Variants in MAP3K5 observed in about 807,000 individuals in gnomAD.
MAP3K5 encodes ASK-1.
MAP3K5 carries 56 observed loss-of-function variants against 158.7 expected under a neutral mutation model. The observed-to-expected ratio is 0.35, with a 90% CI of 0.28 to 0.44. The LOEUF (loss-of-function observed/expected upper bound fraction) is 0.44. Ranked by LOEUF, MAP3K5 falls within the 20% of genes least tolerant of loss-of-function variation. The probability of loss-of-function intolerance (pLI) is 1.00; values close to 1 mark genes in which losing one functional copy is unlikely to be tolerated. For synonymous variants in MAP3K5, 579 were observed against 601.7 expected, an observed-to-expected ratio of 0.96 and a Z score of 0.55; for missense variants, 1,294 against 1,674.8, an observed-to-expected ratio of 0.77 and a Z score of 3.97.
At chr6:136,692,701 A>C (rs1199671727) in intron 7 of MAP3K5, among the ~76,000 whole-genome samples, 1 of 152,212 alleles carries the variant, frequency 6.6e-6, no homozygotes, top group South Asian at 2.1e-4. Flanking sequence ...CCATTTTCCC[A>C]GTCTTATCTT....
intron 15 of MAP3K5, among the ~76,000 whole-genome samples, chr6:136,620,830 G>A (rs1776765212): frequency 6.6e-6 from 1 of 152,202 alleles, no homozygotes; most frequent in African/African-American, 2.4e-5. Context: ...TCATGAGGTT[G>A]AGAGAAGACA....
chr6:136,767,228 C>T (rs1784003619), intron 1 of MAP3K5, among the ~76,000 whole-genome samples: 1 of 151,966 alleles, frequency 6.6e-6, no homozygotes, highest in Non-Finnish European at 1.5e-5. Flanking sequence ...AGTCTACTAA[C>T]ACCCATAATT....
At chr6:136,763,934 CAG>C (rs1783858475) in intron 1 of MAP3K5, among the ~76,000 whole-genome samples, 1 of 152,174 alleles carries the variant, frequency 6.6e-6, no homozygotes, top group East Asian at 1.9e-4. Flanking sequence ...TGAGACTCTG[CAG>C]AGAGTACCCA....
intron 1 of MAP3K5, among the ~76,000 whole-genome samples, 187 bp downstream of exon 1, chr6:136,791,523 C>G (rs554664231): frequency 6.6e-5 from 10 of 152,314 alleles, no homozygotes; most frequent in African/African-American, 2.2e-4. Context: ...CACACAGACT[C>G]TTGCACAAGC....
chr6:136,754,015 CT>C (rs1190050999), intron 1 of MAP3K5, among the ~76,000 whole-genome samples: 2 of 152,190 alleles, frequency 1.3e-5, no homozygotes, highest in Non-Finnish European at 1.5e-5. Flanking sequence ...TGGCTCACGC[CT>C]GTAATCCAGC....
At chr6:136,581,627 G>A (rs1774882491) in intron 24 of MAP3K5, among the ~76,000 whole-genome samples, 1 of 152,320 alleles carries the variant, frequency 6.6e-6, no homozygotes, top group East Asian at 1.9e-4. Context: ...GCTCATGCCT[G>A]TCCTTGGTCC....
intron 7 of MAP3K5, among the ~76,000 whole-genome samples, chr6:136,684,077 A>C (rs779977639): frequency 6.6e-6 from 1 of 152,074 alleles, no homozygotes; most frequent in Non-Finnish European, 1.5e-5. Flanking sequence ...ACAAAAAATA[A>C]AAAATGAGCC....
chr6:136,596,486 A>G (rs1020422522), intron 21 of MAP3K5, among the ~76,000 whole-genome samples: 2 of 152,094 alleles, frequency 1.3e-5, no homozygotes, highest in Non-Finnish European at 2.9e-5. Context: ...GGAAGCTGTG[A>G]TGTGGGGCAA....
At chr6:136,563,026 C>A (rs1830586567) in intron 26 of MAP3K5, among the ~76,000 whole-genome samples, 1 of 151,742 alleles carries the variant, frequency 6.6e-6, no homozygotes, top group East Asian at 1.9e-4. Flanking sequence ...GCACATACAC[C>A]CCTAATTTTA....
intron 23 of MAP3K5, among the ~76,000 whole-genome samples, chr6:136,588,952 GA>G (rs1562527026): frequency 6.6e-6 from 1 of 152,170 alleles, no homozygotes; most frequent in Non-Finnish European, 1.5e-5. Flanking sequence ...AGAGTGTGTA[GA>G]AAACACTCAT....
chr6:136,639,127 T>G (rs962807754), intron 13 of MAP3K5, among the ~76,000 whole-genome samples: 4 of 152,062 alleles, frequency 2.6e-5, no homozygotes, highest in Non-Finnish European at 5.9e-5. Context: ...GCCATGCATG[T>G]TTTTTTAAAG....
chr6:136,671,767 C>T lies in MAP3K5; in HGVS notation c.1254-2372G>A, dbSNP rs1020962063. Reference sequence around the variant, plus strand: ...TAGCTCGGATTACAGGCATGCACCACCATGCCCGAATAATTTTTTTGTATT... The same window carrying T: ...TAGCTCGGATTACAGGCATGCACCATCATGCCCGAATAATTTTTTTGTATT... On this transcript the variant is annotated intron_variant, in intron 7 of 29. Transcript: ENST00000359015. Among the ~76,000 whole-genome samples, 5 of 152,026 alleles carry T rather than the reference C, an allele frequency of 3.3e-5. No homozygotes were observed. In the South Asian group the frequency reaches 1.0e-3, roughly 31 times the overall value.
intron 14 of MAP3K5, among the ~76,000 whole-genome samples, chr6:136,627,807 G>A (rs898691480): frequency 6.6e-6 from 1 of 152,170 alleles, no homozygotes; most frequent in Non-Finnish European, 1.5e-5. Context: ...CCAGCCTAAG[G>A]CATTTTGTTA....
chr6:136,576,871 C>T (rs1310922504), intron 25 of MAP3K5, among the ~76,000 whole-genome samples: 1 of 151,990 alleles, frequency 6.6e-6, no homozygotes, highest in Non-Finnish European at 1.5e-5. Context: ...AAACACTTAC[C>T]ACTGTGTTAA....
intron 25 of MAP3K5, among the ~76,000 whole-genome samples, chr6:136,572,591 A>G (rs1774420882): frequency 1.3e-5 from 2 of 152,216 alleles, no homozygotes; most frequent in African/African-American, 4.8e-5. Context: ...GTTGACTATA[A>G]TCTCACTTTT....
intron 1 of MAP3K5, among the ~76,000 whole-genome samples, chr6:136,774,757 T>C (rs1299016320): frequency 6.6e-6 from 1 of 152,124 alleles, no homozygotes; most frequent in African/African-American, 2.4e-5. Context: ...AATCAATCAA[T>C]CTGTATCAAG....
chr6:136,755,476 G>A (rs1334960647), intron 1 of MAP3K5, among the ~76,000 whole-genome samples: 2 of 152,038 alleles, frequency 1.3e-5, no homozygotes, highest in African/African-American at 2.4e-5. Context: ...GGAGGCCCAG[G>A]CAGGAGGACC....
At chr6:136,624,100 A>G (rs1776929404) in intron 14 of MAP3K5, among the ~76,000 whole-genome samples, 1 of 152,180 alleles carries the variant, frequency 6.6e-6, no homozygotes, top group South Asian at 2.1e-4. Flanking sequence ...AGGCTGAGGC[A>G]GGAGAATTGG....
chr6:136,688,584 G>A (rs912805786), intron 7 of MAP3K5, among the ~76,000 whole-genome samples: 2 of 152,046 alleles, frequency 1.3e-5, no homozygotes, highest in Non-Finnish European at 2.9e-5. Context: ...AATGTTCCTA[G>A]GCTAAATGGG....
Sources: gnomAD v4.1 joint callset for allele counts (sites outside exome capture counted in the v4.1 genomes callset) on GRCh38, gnomAD v4.1.1 for gene constraint, MANE v1.5 for transcripts, NCBI Gene and HGNC (gene_info 2026-07-23, HGNC 2026-07-21) for gene names.